The following SRP19 variants were observed in gnomAD, a reference collection of about 807,000 sequenced individuals.
The protein encoded by SRP19 is signal recognition particle 19 kDa protein.
SRP19 carries 11 observed loss-of-function variants against 22.4 expected under a neutral mutation model. The observed-to-expected ratio is 0.49, with a 90% confidence interval of 0.31 to 0.81. SRP19 has a LOEUF of 0.81. Ranked by LOEUF, SRP19 falls within the 40% of genes least tolerant of loss-of-function variation. SRP19 has a pLI of 0.05. For missense variants in SRP19, 168 were observed against 175.9 expected, an observed-to-expected ratio of 0.96 and a Z score of 0.25; for synonymous variants, 61 against 57.6, an observed-to-expected ratio of 1.06 and a Z score of -0.27.
chr5:112,865,888 G>A (rs558520806), intron 4 of SRP19, among the ~76,000 whole-genome samples: 10 of 152,100 alleles, frequency 6.6e-5, no homozygotes, highest in Admixed American at 3.9e-4. Flanking sequence ...CACTGCCCCC[G>A]GCCTGATTTT....
rs961917242 is a variant in SRP19 at position 112,864,732 on chromosome 5, C to T, written c.301C>T (p.Arg101Cys). 6.8e-6 allele frequency: 11 copies of T among 1,606,368 alleles called. No individual in the cohort carries two copies. The highest frequency in any genetic ancestry group is 4.4e-5 in the South Asian group (4 of 89,962). Residue 101 changes from arginine (R) to cysteine (C), a missense_variant and splice_region_variant, in exon 4 of 5, where the codon CGT becomes TGT. Transcript: ENST00000505459. ...GSLCLVQFPS[R>C]KSVMLYAAEM... Reference sequence around the variant, plus strand: ...CCTCTGCCTTGTACAGTTCCCATCACGTAAGCTTGTTTAAATGAATCAGTG... The same window carrying T: ...CCTCTGCCTTGTACAGTTCCCATCATGTAAGCTTGTTTAAATGAATCAGTG...
At chr5:112,892,759 CACCACGA>C in exon 5 of SRP19, 1 of 1,613,938 alleles carries the variant, frequency 6.2e-7, no homozygotes, top group Non-Finnish European at 8.5e-7. Flanking sequence ...GAAGATGGGC[CACCACGA>C]CCACTACTAC....
At chr5:112,861,482 C>G (rs904103537) in intron 1 of SRP19, 65 bp downstream of exon 1, 13 of 1,535,882 alleles carry the variant, frequency 8.5e-6, no homozygotes, top group Admixed American at 1.9e-5. Flanking sequence ...AGGTGCTACA[C>G]CGCGCTTCTC....
chr5:112,878,009 G>A (rs1187093899), intron 4 of SRP19: 1 of 136,720 alleles, frequency 7.3e-6, no homozygotes, highest in African/African-American at 2.7e-5. Context: ...GTGTGTGTGT[G>A]TGTGTGTGTG....
rs762701367 is a variant in SRP19, at chr5:112,887,085, G to C, written c.302-4518G>C. 11 of 1,613,636 alleles carry C rather than the reference G, an allele frequency of 6.8e-6. No individual in the cohort carries two copies. The South Asian group carries it at 1.2e-4, about 18-fold the overall frequency. ...GGTCCTTGACCACACTGTCCATCTG[G>C]GACTCGTGCTTCAGGAAGAAAGGAC... On this transcript the variant is annotated intron_variant, in intron 4 of 4. Transcript: ENST00000391338.
At chr5:112,872,345 T>TTTTTTA (rs36012457), downstream of SRP19, among the ~76,000 whole-genome samples, 1 of 144,994 alleles carries the variant, frequency 6.9e-6, no homozygotes, top group Non-Finnish European at 1.5e-5. Context: ...TTTTTTTTTT[T>TTTTTTA]GAGACAGAGT....
At chr5:112,865,813 C>T (rs576027879) in intron 4 of SRP19, among the ~76,000 whole-genome samples, 15 of 152,266 alleles carry the variant, frequency 9.9e-5, no homozygotes, top group South Asian at 6.2e-4. Flanking sequence ...AGAATGGTCT[C>T]GATCTCTTGA....
At chr5:112,865,468 A>T (rs1767568190) in intron 4 of SRP19, among the ~76,000 whole-genome samples, 1 of 152,226 alleles carries the variant, frequency 6.6e-6, no homozygotes, top group African/African-American at 2.4e-5. Flanking sequence ...CTGAATTTTC[A>T]TCTCTGAAAA....
chr5:112,882,000 G>A (rs1169464104), intron 4 of SRP19: 8 of 151,174 alleles, frequency 5.3e-5, no homozygotes, highest in Admixed American at 3.3e-4. Context: ...TCAAACACCT[G>A]AGCTCAAGCA....
chr5:112,867,729 T>C lies in SRP19; in HGVS notation c.*192T>C. On this transcript the variant is annotated 3_prime_UTR_variant, in exon 5 of 5. Transcript: ENST00000505459. Reference sequence around the variant, plus strand: ...ATCAGAAGTTTGCATCTCGCGTATATGCCGTATAAAAGAATTTTTTTGTCT... The same window carrying C: ...ATCAGAAGTTTGCATCTCGCGTATACGCCGTATAAAAGAATTTTTTTGTCT... 1 of 1,308,490 alleles carries C rather than the reference T, an allele frequency of 7.6e-7. No individual in the cohort carries two copies. Among genetic ancestry groups the C allele is most frequent in the Non-Finnish European group, 9.7e-7 (1 of 1,028,186 alleles). The allele number at this position is 1,308,490 out of a possible 1,614,324, so 81.1% of individuals were successfully genotyped here. A position where few individuals can be genotyped will look rare whatever the true frequency, so the allele number is the denominator to read the frequency against.
chr5:112,861,541 G>A, intron 1 of SRP19, 124 bp downstream of exon 1: 1 of 1,025,024 alleles, frequency 9.8e-7, no homozygotes, highest in East Asian at 2.6e-5. Flanking sequence ...CGCTCTGTAC[G>A]GGCCCCGCGC....
chr5:112,865,918 G>A (rs1017494460), intron 4 of SRP19, among the ~76,000 whole-genome samples: 1 of 152,056 alleles, frequency 6.6e-6, no homozygotes, highest in Non-Finnish European at 1.5e-5. Context: ...GAGAGACAAG[G>A]GTCTCACTGT....
intron 4 of SRP19, 46 bp from the exon 5 acceptor site, chr5:112,867,358 G>A (rs1173700080): frequency 2.5e-6 from 4 of 1,577,670 alleles, no homozygotes; most frequent in Non-Finnish European, 2.6e-6. Flanking sequence ...GACTTTTTAT[G>A]TCTTATTTCT....
downstream of SRP19, chr5:112,893,094 TA>T (rs552226372): frequency 0.046 from 22,755 of 494,686 alleles, 6 homozygotes; most frequent in East Asian, 0.087. Flanking sequence ...GTTTTGTTCT[TA>T]AAAAAAAAAA....
intron 4 of SRP19, among the ~76,000 whole-genome samples, chr5:112,888,015 A>G (rs1281460163): frequency 2.6e-5 from 4 of 152,220 alleles, no homozygotes; most frequent in Admixed American, 6.5e-5. Flanking sequence ...CAATATACTG[A>G]GTTATTTTAG....
At chr5:112,867,278 T>A in intron 4 of SRP19, 126 bp from the exon 5 acceptor site, 3 of 1,183,650 alleles carry the variant, frequency 2.5e-6, no homozygotes, top group Non-Finnish European at 3.5e-6. Context: ...TGATTTTTGA[T>A]TTTTTAAAAA....
At chr5:112,879,542 C>T (rs780398991) in intron 4 of SRP19, among the ~76,000 whole-genome samples, 5 of 152,146 alleles carry the variant, frequency 3.3e-5, no homozygotes, top group Non-Finnish European at 7.3e-5. Context: ...GGCGCGATCT[C>T]GGCTCACTAC....
At chr5:112,881,128 C>CAAAAAAAAAAAA (rs58737941) in intron 4 of SRP19, among the ~76,000 whole-genome samples, 1 of 67,204 alleles carries the variant, frequency 1.5e-5, no homozygotes. Flanking sequence ...GACTCTGTTT[C>CAAAAAAAAAAAA]AAAAAAAAAA....
chr5:112,892,079 A>G, exon 5 of SRP19: 1 of 1,603,234 alleles, frequency 6.2e-7, no homozygotes, highest in Non-Finnish European at 8.5e-7. Flanking sequence ...ATGCTGGATC[A>G]GGCTGAAAAT....
Sources: gnomAD v4.1 joint callset for allele counts (sites outside exome capture counted in the v4.1 genomes callset) on GRCh38, gnomAD v4.1.1 for gene constraint, MANE v1.5 for transcripts, NCBI Gene and HGNC (gene_info 2026-07-23, HGNC 2026-07-21) for gene names.